HPCAL1: variants seen among roughly 807,000 people sequenced by gnomAD.
HPCAL1 encodes the protein hippocalcin-like protein 1.
In HPCAL1, 8 loss-of-function variants were observed where a neutral mutation model predicts 17.1. The ratio of observed to expected loss-of-function variants is 0.47; its 90% CI spans 0.27 to 0.84. The LOEUF (loss-of-function observed/expected upper bound fraction) is 0.84. HPCAL1 is among the 40% of genes least tolerant of loss of function. The pLI is 0.13. For missense variants in HPCAL1, 165 were observed against 271.1 expected (o/e 0.61, Z 2.75); for synonymous variants, 112 against 111.4 (o/e 1.01, Z -0.03).
At chr2:10,329,732 A>G (rs1204605174) in intron 1 of HPCAL1, among the ~76,000 whole-genome samples, 1 of 152,204 alleles carries the variant, frequency 6.6e-6, no homozygotes, top group Non-Finnish European at 1.5e-5. Flanking sequence ...TGACCCGTGG[A>G]TCCCAGCCCT....
rs1666782303 is a variant in HPCAL1 at position 10,365,332 on chromosome 2, G to A, written c.-110-31503G>A. Among the ~76,000 whole-genome samples the A allele has an allele frequency of 6.6e-6, 1 of 152,182 alleles. No individual in the cohort carries two copies. Among genetic ancestry groups the A allele is most frequent in the African/African-American group, 2.4e-5 (1 of 41,438 alleles). ...GCCTCCAGGTGGTGGCGCGGTAATT[G>A]CAAGAGCGTGAGCCCCTCCTCTGGG... On this transcript the variant is annotated intron_variant, in intron 1 of 4. Transcript: ENST00000307845. The surrounding 1 kb of genome is among the most constrained non-coding windows in gnomAD (Gnocchi z 4.8).
intron 1 of HPCAL1, among the ~76,000 whole-genome samples, chr2:10,324,002 A>G (rs1663834029): frequency 6.6e-6 from 1 of 152,254 alleles, no homozygotes; most frequent in Admixed American, 6.5e-5. Flanking sequence ...GAATTAAGTA[A>G]AATGTACTTC....
intron 1 of HPCAL1, among the ~76,000 whole-genome samples, chr2:10,347,075 C>A (rs997438734): frequency 6.6e-6 from 1 of 150,894 alleles, no homozygotes; most frequent in Non-Finnish European, 1.5e-5. Context: ...CTGGGATTCA[C>A]TTTCAGAAGT....
chr2:10,331,169 G>A lies in HPCAL1; in HGVS notation c.-111+27992G>A, dbSNP rs1382212769. ...GGGCCTTGCCAAGAGCCTGCAGAGG[G>A]CGGGGCGGGCTCTGGGGACAGCCTG... On this transcript the variant is annotated intron_variant, in intron 1 of 4. Coordinates refer to ENST00000307845, the MANE Select transcript of HPCAL1 (RefSeq NM_002149.4). The surrounding 1 kb of genome is among the most constrained non-coding windows in gnomAD (Gnocchi z 5.0). Among the ~76,000 whole-genome samples the A allele has an allele frequency of 2.0e-5, 3 of 152,124 alleles. No homozygotes were observed. The highest frequency in any genetic ancestry group is 7.2e-5 in the African/African-American group (3 of 41,426).
Position 10,320,657 on chromosome 2 carries a change from C to T in HPCAL1, c.-111+17480C>T, listed in dbSNP as rs148642669. On this transcript the variant is annotated intron_variant, in intron 1 of 4. Transcript: ENST00000307845. Reference sequence around the variant, plus strand: ...TGGGAGCCTCTGTTTAAGCAGAGACCGGGCCTGGAGAGAGAATCCCTGGGG... The same window carrying T: ...TGGGAGCCTCTGTTTAAGCAGAGACTGGGCCTGGAGAGAGAATCCCTGGGG... Among the ~76,000 whole-genome samples, 74 of 152,308 alleles carry T rather than the reference C, an allele frequency of 4.9e-4. No individual in the cohort carries two copies. The East Asian group carries it at 9.3e-3, about 19-fold the overall frequency.
In HPCAL1 at chr2:10,362,154, T is replaced by A. The variant is rs1045822795; in HGVS notation, c.-110-34681T>A. Among the ~76,000 whole-genome samples, 3 of 152,210 alleles carry A rather than the reference T, an allele frequency of 2.0e-5. No homozygotes were observed. The highest frequency in any genetic ancestry group is 2.9e-5 in the Non-Finnish European group (2 of 68,032). Reference sequence around the variant, plus strand: ...TGATGGGCAGGGCTGTGGAGCTGGTTCACTTGACTCTGCTGCCATTGCATC... The same window carrying A: ...TGATGGGCAGGGCTGTGGAGCTGGTACACTTGACTCTGCTGCCATTGCATC... On this transcript the variant is annotated intron_variant, in intron 1 of 4. Coordinates refer to ENST00000307845, the MANE Select transcript of HPCAL1 (RefSeq NM_002149.4). This position sits in a 1 kb window ranked among gnomAD's most constrained non-coding sequence, Gnocchi z 5.0.
intron 2 of HPCAL1, chr2:10,406,456 C>T (rs950352895): frequency 3.3e-5 from 5 of 152,444 alleles, no homozygotes; most frequent in East Asian, 1.9e-4. Context: ...TGTCCATCCA[C>T]GTGTGACTAC....
intron 1 of HPCAL1, among the ~76,000 whole-genome samples, chr2:10,355,450 C>CAAAAAAAAAA (rs34600690): frequency 9.3e-5 from 3 of 32,182 alleles, no homozygotes; most frequent in African/African-American, 1.4e-4. Context: ...GACTCCGTCT[C>CAAAAAAAAAA]AAAAAAAAAA....
intron 1 of HPCAL1, among the ~76,000 whole-genome samples, chr2:10,328,632 G>T (rs928199090): frequency 1.3e-5 from 2 of 152,190 alleles, no homozygotes; most frequent in Non-Finnish European, 2.9e-5. Flanking sequence ...AGGCCTCTGG[G>T]CTTGAGCTGG....
chr2:10,372,381 G>A lies in HPCAL1; in HGVS notation c.-110-24454G>A, dbSNP rs368463182. Among the ~76,000 whole-genome samples the A allele has an allele frequency of 5.9e-5, 9 of 152,274 alleles. No individual in the cohort carries two copies. The South Asian group carries it at 1.2e-3, about 21-fold the overall frequency. On this transcript the variant is annotated intron_variant, in intron 1 of 4. Transcript: ENST00000307845. Reference sequence around the variant, plus strand: ...AATTACAAAGCACCTATTATGTCCCGGATACTGTGTCCAACACAGTGGACA... The same window carrying A: ...AATTACAAAGCACCTATTATGTCCCAGATACTGTGTCCAACACAGTGGACA...
At chr2:10,307,804 C>T (rs1016512350) in intron 1 of HPCAL1, among the ~76,000 whole-genome samples, 1 of 152,222 alleles carries the variant, frequency 6.6e-6, no homozygotes, top group Non-Finnish European at 1.5e-5. Context: ...CCAGAGAATG[C>T]TTCCAGTTCC....
intron 1 of HPCAL1, among the ~76,000 whole-genome samples, chr2:10,325,595 G>A (rs1053463262): frequency 4.6e-5 from 7 of 152,204 alleles, no homozygotes; most frequent in African/African-American, 1.4e-4. Flanking sequence ...ATCCTGCTAA[G>A]CAGGCCCTGG....
intron 1 of HPCAL1, among the ~76,000 whole-genome samples, chr2:10,307,982 G>A (rs1472545414): frequency 6.6e-6 from 1 of 152,220 alleles, no homozygotes; most frequent in Non-Finnish European, 1.5e-5. Context: ...TGAGAAGGTT[G>A]GGCCCAGGCA....
At chr2:10,311,318 GTCTT>G (rs1036749599) in intron 1 of HPCAL1, among the ~76,000 whole-genome samples, 4 of 152,202 alleles carry the variant, frequency 2.6e-5, no homozygotes, top group African/African-American at 7.2e-5. Context: ...GCTTCTCTGT[GTCTT>G]TCTTCCCAGC....
intron 1 of HPCAL1, among the ~76,000 whole-genome samples, chr2:10,372,659 C>T (rs1265765436): frequency 6.6e-6 from 1 of 152,236 alleles, no homozygotes; most frequent in Non-Finnish European, 1.5e-5. Context: ...AGCTCTTCCT[C>T]CCTGCCTGCC....
intron 1 of HPCAL1, among the ~76,000 whole-genome samples, chr2:10,382,431 G>A (rs1236661183): frequency 2.0e-5 from 3 of 151,990 alleles, no homozygotes; most frequent in East Asian, 1.9e-4. Context: ...TGTAACCTAC[G>A]GACTTGGGTG....
intron 1 of HPCAL1, among the ~76,000 whole-genome samples, chr2:10,375,710 A>G (rs1667513879): frequency 6.6e-6 from 1 of 152,162 alleles, no homozygotes. Context: ...CAGGGATCAT[A>G]CCTTTCTCTG....
chr2:10,347,900 G>T (rs891364261), intron 1 of HPCAL1, among the ~76,000 whole-genome samples: 1 of 152,164 alleles, frequency 6.6e-6, no homozygotes, highest in Non-Finnish European at 1.5e-5. Flanking sequence ...AATGGGGGAG[G>T]GGAGGAGTGC....
intron 1 of HPCAL1, among the ~76,000 whole-genome samples, chr2:10,349,702 CAAAAAAAAAAAAAAAAAAAAAAAAA>C (rs55897775): frequency 3.8e-5 from 2 of 52,730 alleles, no homozygotes; most frequent in African/African-American, 9.7e-5. Flanking sequence ...GACTCTGTCT[CAAAAAAAAAAAAAAAAAAAAAAAAA>C]AAAAAAAAAA....
Sources: gnomAD v4.1 joint callset for allele counts (sites outside exome capture counted in the v4.1 genomes callset) on GRCh38, gnomAD v4.1.1 for gene constraint, Gnocchi (gnomAD v3.1) non-coding constraint, MANE v1.5 for transcripts, NCBI Gene and HGNC (gene_info 2026-07-23, HGNC 2026-07-21) for gene names.